LHFPL3: variants seen among roughly 807,000 people sequenced by gnomAD.
LHFPL3 encodes the protein LHFPL tetraspan subfamily member 3, also known as LHFPL tetraspan subfamily member 3 protein.
LHFPL3 carries 5 observed loss-of-function variants against 19.3 expected under a neutral mutation model. That is an observed-to-expected ratio of 0.26 (90% CI 0.14 to 0.54). The LOEUF (loss-of-function observed/expected upper bound fraction) is 0.54. Among genes scored for constraint, LHFPL3 ranks in the 20% least tolerant of loss-of-function variants. LHFPL3 has a pLI of 0.94. For synonymous variants in LHFPL3, 133 were observed against 126.2 expected (o/e 1.05, Z -0.36); for missense variants, 249 against 307.4 (o/e 0.81, Z 1.42).
chr7:104,811,749 G>A (rs541361443), intron 2 of LHFPL3, among the ~76,000 whole-genome samples: 29 of 152,320 alleles, frequency 1.9e-4, no homozygotes, highest in African/African-American at 6.5e-4. Flanking sequence ...CAGCATAAAT[G>A]AATGCATATA....
At chr7:104,542,677 A>T (rs1414780520) in intron 1 of LHFPL3, among the ~76,000 whole-genome samples, 4 of 151,954 alleles carry the variant, frequency 2.6e-5, no homozygotes, top group African/African-American at 9.7e-5. Context: ...AGTTGCTAAA[A>T]CCACCCAGTG....
chr7:104,622,155 G>T (rs1791457329), intron 1 of LHFPL3, among the ~76,000 whole-genome samples: 1 of 152,172 alleles, frequency 6.6e-6, no homozygotes, highest in Non-Finnish European at 1.5e-5. Flanking sequence ...AGGCTGGAGT[G>T]CAGAGGCCTA....
intron 1 of LHFPL3, among the ~76,000 whole-genome samples, chr7:104,589,828 G>A (rs1454526379): frequency 6.6e-6 from 1 of 152,036 alleles, no homozygotes; most frequent in African/African-American, 2.4e-5. Context: ...GTTTCTTCCT[G>A]GTTTAATCTT....
intron 1 of LHFPL3, among the ~76,000 whole-genome samples, chr7:104,499,144 G>T (rs1378760077): frequency 6.6e-6 from 1 of 152,134 alleles, no homozygotes; most frequent in Non-Finnish European, 1.5e-5. Context: ...GGGAAATGGT[G>T]TCATCTTAAC....
chr7:104,340,851 TATTTTGGAAATC>T (rs1453055095), intron 1 of LHFPL3, among the ~76,000 whole-genome samples: 1 of 152,206 alleles, frequency 6.6e-6, no homozygotes, highest in African/African-American at 2.4e-5. Flanking sequence ...AATAGGAATG[TATTTTGGAAATC>T]ATTTTGAACT....
intron 1 of LHFPL3, among the ~76,000 whole-genome samples, chr7:104,630,878 C>G (rs1791626850): frequency 6.6e-6 from 1 of 152,064 alleles, no homozygotes; most frequent in Non-Finnish European, 1.5e-5. Context: ...GTTTGAGTGT[C>G]CAAGGAAGAG....
chr7:104,376,202 C>T (rs902459158), intron 1 of LHFPL3, among the ~76,000 whole-genome samples: 1 of 152,040 alleles, frequency 6.6e-6, no homozygotes, highest in African/African-American at 2.4e-5. Context: ...TTTACCAAAT[C>T]ATTTACCACA....
At chr7:104,894,317 T>G (rs372580657) in intron 2 of LHFPL3, among the ~76,000 whole-genome samples, 1 of 152,198 alleles carries the variant, frequency 6.6e-6, no homozygotes, top group Non-Finnish European at 1.5e-5. Context: ...GGCTAACAAG[T>G]AGTGCTCAGT....
chr7:104,397,339 T>C (rs544424848), intron 1 of LHFPL3, among the ~76,000 whole-genome samples: 1 of 152,326 alleles, frequency 6.6e-6, no homozygotes, highest in African/African-American at 2.4e-5. Flanking sequence ...CACTTTACCA[T>C]ATTCTTCCTA....
rs1440210293 is a variant in LHFPL3, at chr7:104,357,587, C to T, written c.445+28363C>T. Among the ~76,000 whole-genome samples, 6 of 152,102 alleles carry T rather than the reference C, an allele frequency of 3.9e-5. No individual in the cohort carries two copies. The East Asian group carries it at 1.2e-3, about 29-fold the overall frequency. On this transcript the variant is annotated intron_variant, in intron 1 of 2. Coordinates refer to ENST00000424859, the MANE Select transcript of LHFPL3 (RefSeq NM_199000.3). The stretch of plus-strand genomic sequence containing the variant: ...ATCAGTCAGGGTTCAATGAGAGAAA[C>T]AAAACCAAAAGGAGATAAATATTAA...
chr7:104,580,273 A>C (rs987653558), intron 1 of LHFPL3, among the ~76,000 whole-genome samples: 1 of 152,190 alleles, frequency 6.6e-6, no homozygotes, highest in Non-Finnish European at 1.5e-5. Context: ...CCAGGAGTAC[A>C]GTCTATCACA....
At chr7:104,464,102 G>T (rs1792728364) in intron 1 of LHFPL3, among the ~76,000 whole-genome samples, 1 of 152,236 alleles carries the variant, frequency 6.6e-6, no homozygotes, top group East Asian at 1.9e-4. Flanking sequence ...GGAGAAATTT[G>T]CCAGAATGAA....
chr7:104,594,293 T>A (rs1465219938), intron 1 of LHFPL3, among the ~76,000 whole-genome samples: 2 of 152,230 alleles, frequency 1.3e-5, no homozygotes, highest in African/African-American at 4.8e-5. Context: ...CCTTCAATTA[T>A]GAAGCTTAGT....
intron 1 of LHFPL3, among the ~76,000 whole-genome samples, chr7:104,654,785 A>C (rs10487222): frequency 6.6e-6 from 1 of 151,852 alleles, no homozygotes. Flanking sequence ...GTCTTTTTCA[A>C]TTATAATCCT....
At chr7:104,461,678 G>T (rs139299588) in intron 1 of LHFPL3, among the ~76,000 whole-genome samples, 1 of 152,214 alleles carries the variant, frequency 6.6e-6, no homozygotes, top group African/African-American at 2.4e-5. Flanking sequence ...GGGCCCTGGA[G>T]TATAGTTTGA....
chr7:104,371,137 G>T (rs995224774), intron 1 of LHFPL3, among the ~76,000 whole-genome samples: 1 of 152,206 alleles, frequency 6.6e-6, no homozygotes, highest in South Asian at 2.1e-4. Context: ...AAAAAGCTAC[G>T]ATTGTTTTTC....
At chr7:104,386,922 T>A (rs1406910246) in intron 1 of LHFPL3, among the ~76,000 whole-genome samples, 1 of 152,082 alleles carries the variant, frequency 6.6e-6, no homozygotes, top group Non-Finnish European at 1.5e-5. Flanking sequence ...CCACATTGTA[T>A]CACCTAAAAT....
chr7:104,371,424 C>T (rs1389033951), intron 1 of LHFPL3, among the ~76,000 whole-genome samples: 1 of 152,148 alleles, frequency 6.6e-6, no homozygotes, highest in African/African-American at 2.4e-5. Flanking sequence ...TCTCTCATGG[C>T]AACAGGCTAA....
intron 1 of LHFPL3, among the ~76,000 whole-genome samples, chr7:104,563,069 C>A (rs1276321529): frequency 6.6e-6 from 1 of 152,060 alleles, no homozygotes; most frequent in Non-Finnish European, 1.5e-5. Flanking sequence ...GCTGGGAGAA[C>A]CACTGCTCTC....
Sources: allele counts gnomAD v4.1 joint callset (sites outside exome capture counted in the v4.1 genomes callset), GRCh38; gene constraint gnomAD v4.1.1; transcripts MANE v1.5; gene names NCBI Gene and HGNC (gene_info 2026-07-23, HGNC 2026-07-21).